ROBO2: variants seen among roughly 807,000 people sequenced by gnomAD.
ROBO2 encodes the protein roundabout homolog 2.
ROBO2 carries 53 observed loss-of-function variants against 160.8 expected under a neutral mutation model. The observed-to-expected ratio is 0.33, with a 90% CI of 0.26 to 0.41. ROBO2 has a LOEUF of 0.41. ROBO2 is among the 10% of genes least tolerant of loss of function. ROBO2 has a pLI of 1.00. For missense variants in ROBO2, 1,577 were observed against 1,722.4 expected (o/e 0.92, Z 1.49); for synonymous variants, 664 against 611.7 (o/e 1.09, Z -1.26).
intron 2 of ROBO2, among the ~76,000 whole-genome samples, chr3:77,100,251 G>GTAA (rs1398983473): frequency 1.3e-5 from 2 of 152,072 alleles, no homozygotes; most frequent in Non-Finnish European, 2.9e-5. Context: ...ATGACCTAGA[G>GTAA]AGGAAAACAA....
chr3:77,505,088 T>C (rs867718266), intron 5 of ROBO2, among the ~76,000 whole-genome samples: 27 of 152,308 alleles, frequency 1.8e-4, no homozygotes, highest in Middle Eastern at 6.8e-3. Context: ...CCCTTTAATT[T>C]CAAGTGAAGT....
chr3:76,070,324 C>G (rs1281025483), intron 2 of ROBO2, among the ~76,000 whole-genome samples: 1 of 152,124 alleles, frequency 6.6e-6, no homozygotes, highest in Non-Finnish European at 1.5e-5. Flanking sequence ...GGTTGGGTCT[C>G]TGAACTGGCC....
chr3:76,307,124 C>A (rs2071369649), intron 2 of ROBO2, among the ~76,000 whole-genome samples: 2 of 152,228 alleles, frequency 1.3e-5, no homozygotes, highest in Admixed American at 6.5e-5. Context: ...GCCTTCCTGG[C>A]AGTTCCTGGA....
chr3:76,972,479 GT>G (rs1464030214), intron 2 of ROBO2, among the ~76,000 whole-genome samples: 10 of 152,076 alleles, frequency 6.6e-5, no homozygotes, highest in Non-Finnish European at 1.2e-4. Context: ...AGCATGGCTG[GT>G]GCTCTTTGTA....
At chr3:76,997,706 T>C (rs1226362802) in intron 2 of ROBO2, among the ~76,000 whole-genome samples, 2 of 152,200 alleles carry the variant, frequency 1.3e-5, no homozygotes, top group South Asian at 2.1e-4. Flanking sequence ...TTTTACATAA[T>C]GTATCCTCAC....
At chr3:76,486,986 C>T (rs1232006591) in intron 2 of ROBO2, among the ~76,000 whole-genome samples, 2 of 152,060 alleles carry the variant, frequency 1.3e-5, no homozygotes, top group African/African-American at 4.8e-5. Context: ...TGTTTGTCTT[C>T]AGAGACAGGG....
chr3:76,580,328 G>GTTTTTTTTTTTTTTTTTTTTTTTT (rs748888426), intron 2 of ROBO2, among the ~76,000 whole-genome samples: 8 of 67,250 alleles, frequency 1.2e-4, no homozygotes, highest in African/African-American at 1.4e-4. Context: ...TTTTTTTTTT[G>GTTTTTTTTTTTTTTTTTTTTTTTT]TTTTTTTTTT....
intron 2 of ROBO2, among the ~76,000 whole-genome samples, chr3:76,380,324 T>A (rs2076554466): frequency 6.6e-6 from 1 of 152,220 alleles, no homozygotes; most frequent in Non-Finnish European, 1.5e-5. Context: ...TATGAAAAAG[T>A]ACTTGCAAAG....
chr3:75,942,081 T>C (rs1232571688), intron 2 of ROBO2, among the ~76,000 whole-genome samples: 1 of 152,138 alleles, frequency 6.6e-6, no homozygotes, highest in Non-Finnish European at 1.5e-5. Context: ...ATTTAAGTGA[T>C]TGTATAATTC....
chr3:76,938,184 C>T (rs558710420), intron 2 of ROBO2, among the ~76,000 whole-genome samples: 20 of 152,064 alleles, frequency 1.3e-4, no homozygotes, highest in Non-Finnish European at 2.6e-4. Context: ...TGGTGAAACC[C>T]GTCTCTACTG....
chr3:76,008,440 A>G (rs1288360099), intron 2 of ROBO2, among the ~76,000 whole-genome samples: 1 of 152,128 alleles, frequency 6.6e-6, no homozygotes. Flanking sequence ...AGCAGTGTCG[A>G]TGCCACCTCA....
chr3:77,283,863 C>G (rs755971068), intron 2 of ROBO2, among the ~76,000 whole-genome samples: 10 of 152,122 alleles, frequency 6.6e-5, no homozygotes, highest in African/African-American at 2.4e-4. Context: ...CTGACAGAAT[C>G]CACATTGGAA....
At chr3:76,818,139 T>C (rs961466281) in intron 2 of ROBO2, among the ~76,000 whole-genome samples, 1 of 152,052 alleles carries the variant, frequency 6.6e-6, no homozygotes, top group Admixed American at 6.6e-5. Flanking sequence ...TGTTTCCTTT[T>C]TACCACATCC....
At chr3:77,221,877 A>C (rs1374032875) in intron 2 of ROBO2, among the ~76,000 whole-genome samples, 1 of 139,730 alleles carries the variant, frequency 7.2e-6, no homozygotes. Context: ...TTTTTGAGAC[A>C]GAGTCTTGCT....
At chr3:76,091,131 C>T (rs982481549) in intron 2 of ROBO2, among the ~76,000 whole-genome samples, 4 of 152,138 alleles carry the variant, frequency 2.6e-5, no homozygotes, top group Non-Finnish European at 5.9e-5. Context: ...TTGCTCATCA[C>T]AGCCACCATG....
At chr3:76,805,173 A>C (rs1221460184) in intron 2 of ROBO2, among the ~76,000 whole-genome samples, 4 of 152,090 alleles carry the variant, frequency 2.6e-5, no homozygotes, top group South Asian at 2.1e-4. Flanking sequence ...ATTCAATTTT[A>C]ACTGACTTCT....
intron 2 of ROBO2, among the ~76,000 whole-genome samples, chr3:77,201,885 A>T (rs796568178): frequency 2.0e-5 from 3 of 152,312 alleles, no homozygotes; most frequent in African/African-American, 7.2e-5. Flanking sequence ...AATATTGTTT[A>T]TCTTTAGATT....
At chr3:75,962,868 G>A (rs1261994912) in intron 2 of ROBO2, among the ~76,000 whole-genome samples, 1 of 151,774 alleles carries the variant, frequency 6.6e-6, no homozygotes, top group African/African-American at 2.4e-5. Flanking sequence ...GATGGGTAGG[G>A]TTTTGTTGTT....
chr3:76,447,933 C>G (rs1315135535), intron 2 of ROBO2, among the ~76,000 whole-genome samples: 1 of 150,104 alleles, frequency 6.7e-6, no homozygotes, highest in Non-Finnish European at 1.5e-5. Context: ...AGGAGATATA[C>G]CTAATGTTAA....
Sources: gnomAD v4.1 joint callset for allele counts (sites outside exome capture counted in the v4.1 genomes callset) on GRCh38, gnomAD v4.1.1 for gene constraint, MANE v1.5 for transcripts, NCBI Gene and HGNC (gene_info 2026-07-23, HGNC 2026-07-21) for gene names.